The following BMPR1A variants were observed in gnomAD, a reference collection of about 807,000 sequenced individuals.
The protein encoded by BMPR1A is bone morphogenetic protein receptor type 1A, also known as bone morphogenetic protein receptor type-1A.
In BMPR1A, 7 loss-of-function variants were observed where a neutral mutation model predicts 66.0. The observed-to-expected ratio is 0.11, with a 90% confidence interval of 0.06 to 0.20. The LOEUF (loss-of-function observed/expected upper bound fraction) is 0.20. Ranked by LOEUF, BMPR1A falls within the 10% of genes least tolerant of loss-of-function variation. The probability of loss-of-function intolerance (pLI) is 1.00; values close to 1 mark genes in which losing one functional copy is unlikely to be tolerated. For missense variants in BMPR1A, 408 were observed against 669.1 expected, an observed-to-expected ratio of 0.61 and a Z score of 4.31; for synonymous variants, 200 against 229.7, an observed-to-expected ratio of 0.87 and a Z score of 1.17.
chr10:86,764,801 A>G (rs1012794048), intron 1 of BMPR1A, among the ~76,000 whole-genome samples: 1 of 152,266 alleles, frequency 6.6e-6, no homozygotes, highest in Non-Finnish European at 1.5e-5. Flanking sequence ...TGGCTAGTCT[A>G]AGTGTGAATT....
intron 2 of BMPR1A, among the ~76,000 whole-genome samples, chr10:86,849,515 C>T (rs1333343248): frequency 6.6e-6 from 1 of 152,188 alleles, no homozygotes; most frequent in African/African-American, 2.4e-5. Flanking sequence ...ATTCCATTTT[C>T]GATAGTCTAC....
rs537490774 is a variant in BMPR1A at position 86,764,830 on chromosome 10, A to G, written c.-268+7911A>G. Among the ~76,000 whole-genome samples the G allele has an allele frequency of 8.5e-5, 13 of 152,378 alleles. No homozygotes were observed. The East Asian group carries it at 2.1e-3, about 25-fold the overall frequency. On this transcript the variant is annotated intron_variant, in intron 1 of 12. Coordinates refer to ENST00000372037, the MANE Select transcript of BMPR1A (RefSeq NM_004329.3). ...GTGAATTACGTACCAGATTTTGAAG[A>G]TAGTACCAAAAGATGTAAAATATCT...
chr10:86,858,543 C>G (rs1420403185), intron 2 of BMPR1A, among the ~76,000 whole-genome samples: 1 of 151,884 alleles, frequency 6.6e-6, no homozygotes, highest in Non-Finnish European at 1.5e-5. Context: ...TGTGGAAAAC[C>G]CTAAAAACTT....
rs184126826 is a variant in BMPR1A, at chr10:86,924,675, T to A, written c.*956T>A. 4.3e-6 allele frequency: 1 copy of A among 233,044 alleles called. No homozygotes were observed. The highest frequency in any genetic ancestry group is 8.5e-6 in the Non-Finnish European group (1 of 117,994). 14.4% of individuals were successfully genotyped at this position (233,044 alleles called of 1,614,324 possible). On this transcript the variant is annotated 3_prime_UTR_variant, in exon 13 of 13. Transcript: ENST00000372037. ...CTATAACCATGTTCTATATTCTTTA[T>A]TCTCAGTAACTTTTAAAAGGGAAGT...
chr10:86,855,675 C>G, intron 2 of BMPR1A: 1 of 704,922 alleles, frequency 1.4e-6, no homozygotes, highest in South Asian at 1.7e-5. Flanking sequence ...TTGCAATTGC[C>G]TAACTGCTCA....
chr10:86,911,789 A>C (rs529600338), intron 7 of BMPR1A, among the ~76,000 whole-genome samples: 8 of 152,198 alleles, frequency 5.3e-5, no homozygotes, highest in African/African-American at 1.7e-4. Flanking sequence ...TAGGCAGTTC[A>C]CAGAAAAAAA....
rs1443649142 is a variant in BMPR1A, at chr10:86,900,077, G to A, written c.481G>A (p.Ala161Thr). The change falls in exon 7 of 13, where the codon GCT becomes ACT. Residue 161 changes from alanine to threonine, a missense_variant. By Grantham distance (58) the Ala-to-Thr change is moderately conservative. Around this residue, in one of 5 missense-constraint regions of BMPR1A, gnomAD observed 174 missense variants for 265.1 expected, o/e 0.66. Transcript: ENST00000372037. ...IRWLVLLISM[A>T]VCIIAMIIFS... ...ATGGCTGGTTTTGCTCATTTCTATG[G>A]CTGTCTGCATAATTGCTATGATCAT... 6.2e-7 allele frequency: 1 copy of A among 1,613,878 alleles called. No homozygotes were observed. Among genetic ancestry groups the A allele is most frequent in the African/African-American group, 1.3e-5 (1 of 74,900 alleles).
At chr10:86,902,145 C>A (rs1421196600) in intron 7 of BMPR1A, among the ~76,000 whole-genome samples, 1 of 152,160 alleles carries the variant, frequency 6.6e-6, no homozygotes, top group African/African-American at 2.4e-5. Flanking sequence ...CAGGCGTGAG[C>A]CACCGCACCT....
At chr10:86,855,663 A>G in intron 2 of BMPR1A, 1 of 694,704 alleles carries the variant, frequency 1.4e-6, no homozygotes, top group Non-Finnish European at 2.6e-6. Context: ...TGAGTATCTA[A>G]TTTGCAATTG....
At chr10:86,885,694 C>T (rs1843059448) in intron 3 of BMPR1A, among the ~76,000 whole-genome samples, 1 of 152,158 alleles carries the variant, frequency 6.6e-6, no homozygotes, top group African/African-American at 2.4e-5. Flanking sequence ...ACTGTTGTTG[C>T]AGAATTCATT....
At chr10:86,826,955 T>G (rs1842203977) in intron 1 of BMPR1A, among the ~76,000 whole-genome samples, 1 of 151,398 alleles carries the variant, frequency 6.6e-6, no homozygotes, top group Non-Finnish European at 1.5e-5. Context: ...CCATGTCTGC[T>G]TTAGATAGGT....
intron 1 of BMPR1A, among the ~76,000 whole-genome samples, chr10:86,782,764 A>C (rs1433120717): frequency 6.6e-6 from 1 of 152,008 alleles, no homozygotes; most frequent in Non-Finnish European, 1.5e-5. Flanking sequence ...ACCCCTATCC[A>C]ATACATGATT....
intron 3 of BMPR1A, among the ~76,000 whole-genome samples, chr10:86,879,362 A>T (rs1305518288): frequency 6.6e-6 from 1 of 152,208 alleles, no homozygotes; most frequent in Non-Finnish European, 1.5e-5. Context: ...AAAATTCATT[A>T]TATGCTCTTG....
intron 1 of BMPR1A, among the ~76,000 whole-genome samples, chr10:86,776,502 T>C (rs1250899308): frequency 6.6e-6 from 1 of 152,224 alleles, no homozygotes; most frequent in East Asian, 1.9e-4. Context: ...ACTTCTGCAG[T>C]TGAAACTTGG....
intron 2 of BMPR1A, chr10:86,855,136 G>A: frequency 2.8e-6 from 1 of 352,288 alleles, no homozygotes; most frequent in South Asian, 8.2e-5. Context: ...TTTCACATCA[G>A]GTCTCGAACT....
intron 1 of BMPR1A, among the ~76,000 whole-genome samples, chr10:86,791,631 C>T (rs1027023495): frequency 4.6e-5 from 7 of 151,388 alleles, no homozygotes; most frequent in Admixed American, 4.6e-4. Context: ...AAAGCCCTGT[C>T]CATCTCATTA....
intron 5 of BMPR1A, among the ~76,000 whole-genome samples, chr10:86,892,663 A>G (rs1392603954): frequency 2.0e-5 from 3 of 152,036 alleles, no homozygotes; most frequent in Non-Finnish European, 2.9e-5. Flanking sequence ...TCCTGGGCTC[A>G]AGCAGTCTGC....
At chr10:86,888,769 G>T (rs1426447108) in intron 3 of BMPR1A, among the ~76,000 whole-genome samples, 4 of 149,160 alleles carry the variant, frequency 2.7e-5, no homozygotes, top group Admixed American at 2.7e-4. Context: ...TGAGGCTGCA[G>T]TGAGCTCTGA....
intron 3 of BMPR1A, among the ~76,000 whole-genome samples, chr10:86,877,409 G>A (rs1254094775): frequency 4.0e-5 from 6 of 151,854 alleles, no homozygotes; most frequent in Admixed American, 2.6e-4. Context: ...GGGTTTCACC[G>A]TGTTAGCCAG....
Sources: gnomAD v4.1 joint callset for allele counts (sites outside exome capture counted in the v4.1 genomes callset) on GRCh38, gnomAD v4.1.1 for gene constraint, gnomAD v4.1.1 regional missense constraint, MANE v1.5 for transcripts, NCBI Gene and HGNC (gene_info 2026-07-23, HGNC 2026-07-21) for gene names.